MACROD2: variants seen among roughly 807,000 people sequenced by gnomAD.
MACROD2 encodes the protein ADP-ribose glycohydrolase MACROD2.
In MACROD2, 36 loss-of-function variants were observed where a neutral mutation model predicts 70.4. The observed-to-expected ratio is 0.51, with a 90% CI of 0.39 to 0.68. MACROD2 has a LOEUF of 0.68. Ranked by LOEUF, MACROD2 falls within the 30% of genes least tolerant of loss-of-function variation. MACROD2 has a pLI of 0.00. For synonymous variants in MACROD2, 172 were observed against 178.8 expected (o/e 0.96, Z 0.30); for missense variants, 496 against 538.4 (o/e 0.92, Z 0.78).
intron 4 of MACROD2, among the ~76,000 whole-genome samples, chr20:14,574,710 C>G (rs1980455977): frequency 6.6e-6 from 1 of 151,006 alleles, no homozygotes; most frequent in Non-Finnish European, 1.5e-5. Context: ...TATAATATAT[C>G]ACATTTTATA....
chr20:15,579,640 T>A (rs2048497583), intron 8 of MACROD2, among the ~76,000 whole-genome samples: 1 of 152,226 alleles, frequency 6.6e-6, no homozygotes, highest in African/African-American at 2.4e-5. Flanking sequence ...CAATCATACA[T>A]GTGTACTTAA....
chr20:14,388,841 A>C (rs1249979187), intron 3 of MACROD2, among the ~76,000 whole-genome samples: 1 of 152,154 alleles, frequency 6.6e-6, no homozygotes, highest in Non-Finnish European at 1.5e-5. Flanking sequence ...ACTCAGTGAA[A>C]AATACATGAG....
chr20:14,652,348 G>A (rs1274407028), intron 4 of MACROD2, among the ~76,000 whole-genome samples: 1 of 152,108 alleles, frequency 6.6e-6, no homozygotes, highest in Non-Finnish European at 1.5e-5. Flanking sequence ...CAAGAGCATG[G>A]TATTTCTTTT....
intron 8 of MACROD2, among the ~76,000 whole-genome samples, chr20:15,745,416 T>G (rs945684102): frequency 2.0e-5 from 3 of 152,152 alleles, no homozygotes; most frequent in Non-Finnish European, 4.4e-5. Flanking sequence ...TCGACTGAAG[T>G]GCTTTTTCAA....
chr20:14,742,222 A>G (rs2123721117), intron 5 of MACROD2, among the ~76,000 whole-genome samples: 1 of 152,300 alleles, frequency 6.6e-6, no homozygotes, highest in African/African-American at 2.4e-5. Flanking sequence ...AGTTGTTGAT[A>G]AATGGAGTGT....
intron 5 of MACROD2, among the ~76,000 whole-genome samples, chr20:14,722,723 A>G (rs147702815): frequency 1.1e-4 from 16 of 152,348 alleles, no homozygotes; most frequent in African/African-American, 2.9e-4. Flanking sequence ...TTAGACACCT[A>G]TATTGGTTCC....
At chr20:14,498,396 G>A (rs143233236) in intron 4 of MACROD2, among the ~76,000 whole-genome samples, 61 of 152,296 alleles carry the variant, frequency 4.0e-4, no homozygotes, top group African/African-American at 1.4e-3. Context: ...CTAAACACAA[G>A]CACACATATG....
At chr20:14,052,198 T>G (rs1372263784) in intron 2 of MACROD2, among the ~76,000 whole-genome samples, 1 of 152,162 alleles carries the variant, frequency 6.6e-6, no homozygotes, top group Non-Finnish European at 1.5e-5. Flanking sequence ...AGTGTCTTTC[T>G]GTCTTTTTTC....
At chr20:15,495,179 GA>G (rs2146482663) in intron 7 of MACROD2, among the ~76,000 whole-genome samples, 1 of 152,284 alleles carries the variant, frequency 6.6e-6, no homozygotes, top group South Asian at 2.1e-4. Flanking sequence ...ATGTTCTGAG[GA>G]AGGCCTTTTT....
At chr20:15,815,809 G>A (rs16996618) in intron 8 of MACROD2, among the ~76,000 whole-genome samples, 26,249 of 152,054 alleles carry the variant, frequency 0.17, 2,545 homozygotes, top group Middle Eastern at 0.31. Context: ...TGTTGCCACT[G>A]ATAAGTAAAA....
intron 5 of MACROD2, among the ~76,000 whole-genome samples, chr20:14,921,449 G>C (rs2074162358): frequency 6.6e-6 from 1 of 152,138 alleles, no homozygotes; most frequent in Non-Finnish European, 1.5e-5. Context: ...CAAGAATAGA[G>C]AGTTTTGGAT....
chr20:14,883,842 T>G (rs1021522887), intron 5 of MACROD2, among the ~76,000 whole-genome samples: 4 of 152,196 alleles, frequency 2.6e-5, no homozygotes, highest in African/African-American at 9.6e-5. Context: ...GAGTACCTAT[T>G]AAAGGGTTCC....
Position 15,529,306 on chromosome 20 carries a change from G to A in MACROD2, c.645+29459G>A, listed in dbSNP as rs1397052730. Reference sequence around the variant, plus strand: ...TGTGTGCATGCCTGTGTGTGTGTGTGTGTGTAAGTGTTAATATATTTATTT... The same window carrying A: ...TGTGTGCATGCCTGTGTGTGTGTGTATGTGTAAGTGTTAATATATTTATTT... On this transcript the variant is annotated intron_variant, in intron 8 of 17. Transcript: ENST00000684519. Among the ~76,000 whole-genome samples, 3 of 152,128 alleles carry A rather than the reference G, an allele frequency of 2.0e-5. No homozygotes were observed. The East Asian group carries it at 5.8e-4, about 29-fold the overall frequency.
At chr20:14,966,801 A>G (rs1568902400) in intron 5 of MACROD2, among the ~76,000 whole-genome samples, 1 of 151,852 alleles carries the variant, frequency 6.6e-6, no homozygotes, top group Non-Finnish European at 1.5e-5. Flanking sequence ...ACTACCATGT[A>G]GTATGCCATT....
At chr20:14,899,528 T>C (rs1019955068) in intron 5 of MACROD2, among the ~76,000 whole-genome samples, 1 of 152,176 alleles carries the variant, frequency 6.6e-6, no homozygotes, top group Non-Finnish European at 1.5e-5. Context: ...CATCCTCACA[T>C]GGGGGTCTCT....
At chr20:14,271,065 G>T (rs1955881587) in intron 3 of MACROD2, among the ~76,000 whole-genome samples, 1 of 152,218 alleles carries the variant, frequency 6.6e-6, no homozygotes, top group Admixed American at 6.5e-5. Flanking sequence ...TGGGGACAGG[G>T]CACAGACAAA....
chr20:14,961,513 G>A (rs914517177), intron 5 of MACROD2, among the ~76,000 whole-genome samples: 1 of 152,118 alleles, frequency 6.6e-6, no homozygotes, highest in Non-Finnish European at 1.5e-5. Context: ...TCTAAGTTGT[G>A]TGTTTTTTGG....
chr20:15,833,375 T>G (rs1253345471), intron 8 of MACROD2, among the ~76,000 whole-genome samples: 1 of 152,214 alleles, frequency 6.6e-6, no homozygotes, highest in Non-Finnish European at 1.5e-5. Flanking sequence ...GCTTAAGGCT[T>G]TAAACCGCTG....
At chr20:15,893,118 TA>T (rs1203260864) in intron 10 of MACROD2, 9 of 400,596 alleles carry the variant, frequency 2.2e-5, no homozygotes. Flanking sequence ...TCCTAAGGGT[TA>T]AAATATCACA....
Sources: gnomAD v4.1 joint callset for allele counts (sites outside exome capture counted in the v4.1 genomes callset) on GRCh38, gnomAD v4.1.1 for gene constraint, MANE v1.5 for transcripts, NCBI Gene and HGNC (gene_info 2026-07-23, HGNC 2026-07-21) for gene names.